QKI: variants seen among roughly 807,000 people sequenced by gnomAD.
QKI encodes QKI, KH domain containing RNA binding.
Under a neutral mutation model 39.0 loss-of-function variants are expected in QKI, and 10 were observed. The ratio of observed to expected loss-of-function variants is 0.26; its 90% CI spans 0.16 to 0.43. The LOEUF is 0.43. Ranked by LOEUF, QKI falls within the 20% of genes least tolerant of loss-of-function variation. The probability of loss-of-function intolerance (pLI) is 1.00; values close to 1 mark genes in which losing one functional copy is unlikely to be tolerated. For missense variants in QKI, 218 were observed against 428.0 expected, an observed-to-expected ratio of 0.51 and a Z score of 4.33; for synonymous variants, 204 against 155.4, an observed-to-expected ratio of 1.31 and a Z score of -2.33.
At chr6:163,531,096 A>G (rs1233334163) in intron 3 of QKI, among the ~76,000 whole-genome samples, 3 of 151,756 alleles carry the variant, frequency 2.0e-5, no homozygotes, top group Non-Finnish European at 4.4e-5. Flanking sequence ...CAAATTTTTC[A>G]TCTTTGCTCT....
At chr6:163,522,410 A>G (rs1780218874) in intron 3 of QKI, among the ~76,000 whole-genome samples, 1 of 152,184 alleles carries the variant, frequency 6.6e-6, no homozygotes, top group African/African-American at 2.4e-5. Context: ...TTACAGGGGC[A>G]CTGAAATAAG....
chr6:163,546,754 T>G (rs2128244993), intron 4 of QKI, among the ~76,000 whole-genome samples: 1 of 152,172 alleles, frequency 6.6e-6, no homozygotes, highest in South Asian at 2.1e-4. Flanking sequence ...TAGCTCATTA[T>G]AGCTTTATTT....
intron 3 of QKI, among the ~76,000 whole-genome samples, chr6:163,527,704 G>C (rs1176414658): frequency 6.6e-6 from 1 of 152,030 alleles, no homozygotes; most frequent in Non-Finnish European, 1.5e-5. Context: ...CTCAAATGTT[G>C]AGATTATTTT....
At chr6:163,456,556 C>T (rs1463709846) in intron 2 of QKI, among the ~76,000 whole-genome samples, 3 of 152,052 alleles carry the variant, frequency 2.0e-5, no homozygotes, top group Non-Finnish European at 4.4e-5. Context: ...GAATACTAGT[C>T]TGTAGATGAG....
chr6:163,427,217 C>T (rs921307683), intron 1 of QKI, among the ~76,000 whole-genome samples: 8 of 134,606 alleles, frequency 5.9e-5, no homozygotes, highest in Non-Finnish European at 8.0e-5. Flanking sequence ...AATTTTTTAA[C>T]GTTACTGTTA....
In QKI at chr6:163,573,276, T is replaced by C. The variant is rs1378272106; in HGVS notation, c.*2566T>C. 6.6e-6 allele frequency: 1 copy of C among 152,206 alleles called. No individual in the cohort carries two copies. The highest frequency in any genetic ancestry group is 1.9e-4 in the East Asian group (1 of 5,198). 9.4% of individuals were successfully genotyped at this position (152,206 alleles called of 1,614,324 possible). On this transcript the variant is annotated 3_prime_UTR_variant, in exon 8 of 8. Coordinates refer to ENST00000361752, the MANE Select transcript of QKI (RefSeq NM_006775.3). ...ATTGAATTTATTTCTTATTAAAATA[T>C]GTAGTTTTTAAGACTTTTTTTCTGA...
At chr6:163,567,269 A>G (rs1459860760) in intron 7 of QKI, 1 of 987,442 alleles carries the variant, frequency 1.0e-6, no homozygotes, top group African/African-American at 1.7e-5. Context: ...TTTATAATAA[A>G]ATATTTGAGC....
At chr6:163,446,408 AGAGTTG>A (rs1383723600) in intron 1 of QKI, among the ~76,000 whole-genome samples, 1 of 152,196 alleles carries the variant, frequency 6.6e-6, no homozygotes, top group African/African-American at 2.4e-5. Flanking sequence ...GATTGGGAAA[AGAGTTG>A]TTAATAATAA....
intron 4 of QKI, among the ~76,000 whole-genome samples, chr6:163,554,268 ATGGGAAAGAGAACATC>A (rs1162227296): frequency 6.6e-6 from 1 of 152,182 alleles, no homozygotes; most frequent in Non-Finnish European, 1.5e-5. Flanking sequence ...AGGAGCGCAC[ATGGGAAAGAGAACATC>A]TCTTTCCCTC....
intron 1 of QKI, among the ~76,000 whole-genome samples, chr6:163,419,132 T>G (rs1787783935): frequency 6.6e-6 from 1 of 152,270 alleles, no homozygotes; most frequent in East Asian, 1.9e-4. Flanking sequence ...ACAGTAAACT[T>G]TCTGTCTGAC....
chr6:163,529,703 T>G (rs1423995663), intron 3 of QKI, among the ~76,000 whole-genome samples: 1 of 152,104 alleles, frequency 6.6e-6, no homozygotes, highest in Non-Finnish European at 1.5e-5. Flanking sequence ...ACACGGCACT[T>G]CAGATTAGTG....
chr6:163,419,282 A>T (rs1035445504), intron 1 of QKI, among the ~76,000 whole-genome samples: 1 of 149,024 alleles, frequency 6.7e-6, no homozygotes, highest in South Asian at 2.2e-4. Context: ...TATTGGATGT[A>T]TCATAAGGTT....
At chr6:163,418,393 G>A (rs1362495591) in intron 1 of QKI, among the ~76,000 whole-genome samples, 2 of 152,224 alleles carry the variant, frequency 1.3e-5, no homozygotes, top group African/African-American at 4.8e-5. Flanking sequence ...GGATGTTTTA[G>A]AATGAGTATT....
chr6:163,491,961 T>C (rs1167683773), intron 3 of QKI, among the ~76,000 whole-genome samples: 1 of 152,236 alleles, frequency 6.6e-6, no homozygotes, highest in Non-Finnish European at 1.5e-5. Flanking sequence ...GTCCATTTTA[T>C]CACTAGATGC....
At chr6:163,564,422 A>C in intron 6 of QKI, 1 of 1,375,198 alleles carries the variant, frequency 7.3e-7, no homozygotes, top group East Asian at 2.8e-5. Context: ...GTTGTTATGC[A>C]GGCATGACTG....
intron 4 of QKI, among the ~76,000 whole-genome samples, chr6:163,560,719 A>G (rs905856550): frequency 1.3e-5 from 2 of 152,216 alleles, no homozygotes; most frequent in African/African-American, 4.8e-5. Context: ...ATATTTTTAG[A>G]TAGTAAGAAA....
At chr6:163,570,120 A>G (rs1420062097) in intron 7 of QKI, 2 of 986,082 alleles carry the variant, frequency 2.0e-6, no homozygotes, top group Admixed American at 1.2e-4. Flanking sequence ...TTGAAAAAGC[A>G]ATAAACATTT....
Position 163,566,752 on chromosome 6 carries a change from T to C in QKI, c.966T>C (p.Asp322=). ...GAVATKVRRH[D]MRVHPYQRIV... ...TGGCTACTAAAGTTCGAAGGCACGA[T>C]ATGCGTGTCCATCCTTACCAAAGGA... Residue 322 remains aspartate (D), a synonymous_variant, in exon 7 of 8, where the codon GAT becomes GAC. Transcript: ENST00000361752. The C allele has an allele frequency of 6.2e-7, 1 of 1,613,888 alleles. No homozygotes were observed. Among genetic ancestry groups the C allele is most frequent in the South Asian group, 1.1e-5 (1 of 91,054 alleles).
At chr6:163,417,121 A>G (rs1787580879) in intron 1 of QKI, among the ~76,000 whole-genome samples, 1 of 152,198 alleles carries the variant, frequency 6.6e-6, no homozygotes, top group Admixed American at 6.5e-5. Context: ...GTTTTCGAAC[A>G]TTGAAAATAC....
Sources: gnomAD v4.1 joint callset for allele counts (sites outside exome capture counted in the v4.1 genomes callset) on GRCh38, gnomAD v4.1.1 for gene constraint, MANE v1.5 for transcripts, NCBI Gene and HGNC (gene_info 2026-07-23, HGNC 2026-07-21) for gene names.